Variants in CFAP44 observed in about 807,000 individuals in gnomAD.
CFAP44 encodes the protein cilia- and flagella-associated protein 44.
Under a neutral mutation model 216.2 loss-of-function variants are expected in CFAP44, and 134 were observed. That is an observed-to-expected ratio of 0.62 (90% CI 0.54 to 0.72). The LOEUF is 0.72. CFAP44 is among the 30% of genes least tolerant of loss of function. The pLI, the probability that CFAP44 is intolerant of heterozygous loss-of-function variation, is 0.00. For synonymous variants in CFAP44, 700 were observed against 727.6 expected, an observed-to-expected ratio of 0.96 and a Z score of 0.61; for missense variants, 2,035 against 2,182.1, an observed-to-expected ratio of 0.93 and a Z score of 1.34.
At position 113,441,462 on chromosome 3, in the gene CFAP44, T is replaced by C. The variant is rs1259466114; in HGVS notation, c.-15A>G. 3.0e-6 allele frequency: 3 copies of C among 984,856 alleles called. No individual in the cohort carries two copies. Among genetic ancestry groups the C allele is most frequent in the Non-Finnish European group, 3.6e-6 (3 of 830,018 alleles). 61.0% of individuals were successfully genotyped at this position (984,856 alleles called of 1,614,324 possible). On this transcript the variant is annotated 5_prime_UTR_variant, in exon 1 of 35. Coordinates refer to ENST00000393845, the MANE Select transcript of CFAP44 (RefSeq NM_001164496.2). Reference sequence around the variant, plus strand: ...TGAGGTCCAAACTCACCGAAGGTACTGACCGCCGCGGCTCCTCTCTTCACA... The same window carrying C: ...TGAGGTCCAAACTCACCGAAGGTACCGACCGCCGCGGCTCCTCTCTTCACA...
At chr3:113,358,908 G>T in intron 21 of CFAP44, 33 bp from the exon 22 acceptor site, 1 of 1,530,822 alleles carries the variant, frequency 6.5e-7, no homozygotes, top group Non-Finnish European at 8.7e-7. Flanking sequence ...ATCAAAATGG[G>T]TACTGTATCA....
intron 32 of CFAP44, 127 bp from the exon 33 acceptor site, chr3:113,297,012 T>C: frequency 8.7e-7 from 1 of 1,149,964 alleles, no homozygotes; most frequent in Non-Finnish European, 1.2e-6. Flanking sequence ...CCATCAGTGA[T>C]TTTTCTTCTG....
chr3:113,400,195 T>A (rs1934104305), intron 12 of CFAP44, among the ~76,000 whole-genome samples, 195 bp from the exon 13 acceptor site: 1 of 152,116 alleles, frequency 6.6e-6, no homozygotes, highest in African/African-American at 2.4e-5. Flanking sequence ...AGAAAACAGA[T>A]GATTGACTGC....
At chr3:113,426,379 G>A in intron 3 of CFAP44, 102 bp from the exon 4 acceptor site, 1 of 1,286,800 alleles carries the variant, frequency 7.8e-7, no homozygotes, top group Admixed American at 2.3e-5. Flanking sequence ...CATGTCATGG[G>A]AGAGACCTGG....
intron 17 of CFAP44, among the ~76,000 whole-genome samples, chr3:113,377,401 T>A (rs1421226161): frequency 6.6e-6 from 1 of 152,212 alleles, no homozygotes; most frequent in African/African-American, 2.4e-5. Flanking sequence ...GTTGAGGGCA[T>A]GAACTCTGGA....
At chr3:113,387,072 T>G (rs901903614) in intron 15 of CFAP44, among the ~76,000 whole-genome samples, 1 of 152,210 alleles carries the variant, frequency 6.6e-6, no homozygotes, top group Non-Finnish European at 1.5e-5. Context: ...TAGCCTAAAG[T>G]GCTCTGCGAT....
chr3:113,418,364 G>T (rs1215237086), intron 5 of CFAP44, among the ~76,000 whole-genome samples: 1 of 152,110 alleles, frequency 6.6e-6, no homozygotes, highest in Non-Finnish European at 1.5e-5. Flanking sequence ...CATGATTACA[G>T]GCAGGAGCCA....
chr3:113,332,215 C>T (rs1394266014), intron 25 of CFAP44, among the ~76,000 whole-genome samples: 1 of 152,062 alleles, frequency 6.6e-6, no homozygotes, highest in Non-Finnish European at 1.5e-5. Flanking sequence ...ATGTATGTAA[C>T]ATGATGAATA....
intron 24 of CFAP44, among the ~76,000 whole-genome samples, chr3:113,334,375 A>G (rs1191448742): frequency 6.6e-6 from 1 of 152,228 alleles, no homozygotes; most frequent in Non-Finnish European, 1.5e-5. Flanking sequence ...GAAAATGACA[A>G]TATAGAAGTA....
intron 9 of CFAP44, among the ~76,000 whole-genome samples, chr3:113,403,398 G>C (rs1015055181): frequency 3.9e-5 from 6 of 152,232 alleles, no homozygotes; most frequent in African/African-American, 1.4e-4. Context: ...CCTAGCATAA[G>C]GAGCAAGAAG....
At chr3:113,311,287 G>A (rs981002691) in intron 28 of CFAP44, among the ~76,000 whole-genome samples, 9 of 152,210 alleles carry the variant, frequency 5.9e-5, no homozygotes, top group African/African-American at 2.2e-4. Context: ...TTGGCTCTGT[G>A]TCCCTACTGA....
chr3:113,364,621 T>A (rs1486069421), intron 19 of CFAP44, among the ~76,000 whole-genome samples: 2 of 152,266 alleles, frequency 1.3e-5, no homozygotes, highest in Non-Finnish European at 2.9e-5. Flanking sequence ...ATGCTGATAC[T>A]GGGGCAATTG....
At chr3:113,300,662 C>T (rs371643537) in intron 32 of CFAP44, among the ~76,000 whole-genome samples, 3 of 151,344 alleles carry the variant, frequency 2.0e-5, no homozygotes, top group Admixed American at 6.6e-5. Flanking sequence ...TTTTTAAAGG[C>T]AAACAAATCA....
intron 10 of CFAP44, 24 bp from the exon 11 acceptor site, chr3:113,401,311 G>T (rs760601472): frequency 6.4e-7 from 1 of 1,564,608 alleles, no homozygotes; most frequent in East Asian, 2.3e-5. Flanking sequence ...ATAGTATTTT[G>T]TTTTATCATT....
intron 24 of CFAP44, among the ~76,000 whole-genome samples, chr3:113,340,962 C>T (rs1280275020): frequency 2.0e-5 from 3 of 152,210 alleles, no homozygotes; most frequent in South Asian, 2.1e-4. Flanking sequence ...AGCCCCAGCC[C>T]GACTGTCCCG....
At chr3:113,319,118 C>A (rs962569695) in intron 28 of CFAP44, among the ~76,000 whole-genome samples, 4 of 152,076 alleles carry the variant, frequency 2.6e-5, no homozygotes, top group African/African-American at 9.7e-5. Flanking sequence ...GGGCTAAACA[C>A]CCCACTTAAA....
At chr3:113,318,965 A>AC (rs1950115667) in intron 28 of CFAP44, among the ~76,000 whole-genome samples, 1 of 151,904 alleles carries the variant, frequency 6.6e-6, no homozygotes, top group Non-Finnish European at 1.5e-5. Context: ...AACAAAAAAA[A>AC]ACAAAAAAAA....
chr3:113,406,960 A>G lies in CFAP44; in HGVS notation c.972T>C (p.Asp324=). 3 of 1,614,114 alleles carry G rather than the reference A, an allele frequency of 1.9e-6. No individual in the cohort carries two copies. The highest frequency in any genetic ancestry group is 2.2e-5 in the East Asian group (1 of 44,874). The change falls in exon 8 of 35, where the codon GAT becomes GAC. Residue 324 remains aspartate (D), a synonymous_variant. Transcript: ENST00000393845. ...CTGGGAGCTCCATGTAGCCTTCTAT[A>G]TCAGTAGTGATTGTTTTGCCAAATC... ...LGRFGKTITT[D]IEGYMELPDG...
chr3:113,306,280 A>C lies in CFAP44; in HGVS notation c.4679T>G (p.Leu1560Arg). The change falls in exon 30 of 35, where the codon CTG (leucine) becomes CGG (arginine). Residue 1560 changes from leucine (L) to arginine (R), a missense_variant. Around this residue, in one of 3 missense-constraint regions of CFAP44, gnomAD observed 1,883 missense variants for 2,023.7 expected, o/e 0.93. Coordinates refer to ENST00000393845, the MANE Select transcript of CFAP44 (RefSeq NM_001164496.2). ...ELALHLREKRLDIEEALVEEK... is the reference protein window; with the variant it reads ...ELALHLREKRRDIEEALVEEK... ...TTCAACTAAAGCCTCCTCAATGTCC[A>C]GCCTTTTCTCTCGAAGGTGAAGGGC... 1 of 1,537,020 alleles carries C rather than the reference A, an allele frequency of 6.5e-7. No individual in the cohort carries two copies. The highest frequency in any genetic ancestry group is 2.4e-5 in the East Asian group (1 of 40,904).
Sources: gnomAD v4.1 joint callset for allele counts (sites outside exome capture counted in the v4.1 genomes callset) on GRCh38, gnomAD v4.1.1 for gene constraint, gnomAD v4.1.1 regional missense constraint, MANE v1.5 for transcripts, NCBI Gene and HGNC (gene_info 2026-07-23, HGNC 2026-07-21) for gene names.